Variants in NAV1 observed in about 807,000 individuals in gnomAD.
The protein encoded by NAV1 is neuron navigator 1, also known as pore membrane and/or filament interacting like protein 3.
In NAV1, 18 loss-of-function variants were observed where a neutral mutation model predicts 175.2. The ratio of observed to expected loss-of-function variants is 0.10; its 90% CI spans 0.07 to 0.15. NAV1 has a LOEUF of 0.15. Ranked by LOEUF, NAV1 falls within the 10% of genes least tolerant of loss-of-function variation. The pLI, the probability that NAV1 is intolerant of heterozygous loss-of-function variation, is 1.00. For synonymous variants in NAV1, 897 were observed against 978.7 expected, an observed-to-expected ratio of 0.92 and a Z score of 1.56; for missense variants, 1,731 against 2,436.6, an observed-to-expected ratio of 0.71 and a Z score of 6.10.
intron 2 of NAV1, among the ~76,000 whole-genome samples, chr1:201,598,824 G>A (rs1311219023): frequency 2.0e-5 from 3 of 152,216 alleles, no homozygotes; most frequent in Non-Finnish European, 4.4e-5. Flanking sequence ...AGGAACCCGA[G>A]TCTTCAGTTT....
At chr1:201,683,263 G>T (rs1418780511) in intron 1 of NAV1, among the ~76,000 whole-genome samples, 2 of 152,184 alleles carry the variant, frequency 1.3e-5, no homozygotes, top group African/African-American at 4.8e-5. Flanking sequence ...GTGTTTGGGG[G>T]ATGAAGACCA....
chr1:201,765,396 T>C (rs1252929256), intron 3 of NAV1, among the ~76,000 whole-genome samples: 7 of 144,546 alleles, frequency 4.8e-5, no homozygotes, highest in Non-Finnish European at 9.1e-5. Flanking sequence ...TTTTTTTTTT[T>C]TTTTTTTCTT....
At chr1:201,783,446 A>C (rs1676471251) in exon 7 of NAV1, 1 of 1,614,112 alleles carries the variant, frequency 6.2e-7, no homozygotes, top group Non-Finnish European at 8.5e-7. Flanking sequence ...CTCACTAGCC[A>C]ATCTTGACAA....
At chr1:201,724,910 A>G (rs1179053167) in intron 3 of NAV1, 2 of 152,650 alleles carry the variant, frequency 1.3e-5, no homozygotes, top group Non-Finnish European at 2.9e-5. Flanking sequence ...TTGGCTCTGA[A>G]GTGTCCTGAC....
chr1:201,571,627 G>A (rs1666546129), intron 1 of NAV1, among the ~76,000 whole-genome samples: 1 of 152,240 alleles, frequency 6.6e-6, no homozygotes, highest in Non-Finnish European at 1.5e-5. Context: ...AACTGCAAGG[G>A]CCCCTTCAAT....
chr1:201,671,816 C>T (rs1670054790), intron 1 of NAV1, among the ~76,000 whole-genome samples: 2 of 152,210 alleles, frequency 1.3e-5, no homozygotes, highest in Non-Finnish European at 2.9e-5. Context: ...GGTCACAATA[C>T]CGATGCTGGC....
chr1:201,747,177 C>T (rs1673824389), intron 3 of NAV1, among the ~76,000 whole-genome samples: 1 of 152,160 alleles, frequency 6.6e-6, no homozygotes, highest in Non-Finnish European at 1.5e-5. Context: ...ACTCTGTCAT[C>T]TTCACCGTCC....
chr1:201,737,723 C>T (rs965101258), intron 3 of NAV1, among the ~76,000 whole-genome samples: 2 of 152,198 alleles, frequency 1.3e-5, no homozygotes, highest in Non-Finnish European at 2.9e-5. Flanking sequence ...AGATCTCCCT[C>T]CTTCCAGGCC....
At chr1:201,710,524 G>A (rs1181282177) in intron 1 of NAV1, among the ~76,000 whole-genome samples, 1 of 152,218 alleles carries the variant, frequency 6.6e-6, no homozygotes, top group Non-Finnish European at 1.5e-5. Flanking sequence ...CTGGCCTGAA[G>A]CGATCCTCTG....
chr1:201,793,720 T>C (rs2102752875), intron 13 of NAV1, 72 bp from the exon 18 acceptor site: 2 of 1,332,956 alleles, frequency 1.5e-6, no homozygotes, highest in East Asian at 2.3e-5. Context: ...GTTAAAACTA[T>C]TTCCCATTGT....
chr1:201,615,300 T>C (rs1005863154), intron 2 of NAV1, among the ~76,000 whole-genome samples: 1 of 151,040 alleles, frequency 6.6e-6, no homozygotes, highest in African/African-American at 2.5e-5. Context: ...AGTCTCACTC[T>C]GTCACCCAGG....
chr1:201,768,641 TAA>T (rs71281169), intron 3 of NAV1, among the ~76,000 whole-genome samples: 25 of 114,122 alleles, frequency 2.2e-4, no homozygotes, highest in Admixed American at 3.8e-4. Context: ...TTGTCTCAAT[TAA>T]AAAAAAAAAA....
Position 201,731,933 on chromosome 1 carries a change from C to T in NAV1, c.1226+13178C>T, listed in dbSNP as rs566839416. 3.3e-5 allele frequency among the ~76,000 whole-genome samples: 5 copies of T among 152,282 alleles called. No individual in the cohort carries two copies. The East Asian group carries it at 9.6e-4, about 29-fold the overall frequency. ...CTGGGGGATAGCCAGCTGCCCTGTG[C>T]TCATGCTGGAGTGAACTTTCCTCTG... On this transcript the variant is annotated intron_variant, in intron 3 of 29. Coordinates refer to ENST00000367296, the Ensembl canonical transcript of NAV1.
In NAV1 at chr1:201,786,321, G is replaced by C. The variant is rs1475200579; in HGVS notation, c.2847-108G>C. 4 of 1,175,602 alleles carry C rather than the reference G, an allele frequency of 3.4e-6. No individual in the cohort carries two copies. The Admixed American group carries it at 6.5e-5, about 19-fold the overall frequency. 72.8% of individuals were successfully genotyped at this position (1,175,602 alleles called of 1,614,324 possible). A position where few individuals can be genotyped will look rare whatever the true frequency, so the allele number is the denominator to read the frequency against. On this transcript the variant is annotated intron_variant, in intron 8 of 29. Coordinates refer to ENST00000367296, the Ensembl canonical transcript of NAV1. ...GACCACTCCCTCTTTTCCATGTCCT[G>C]CTTTCAGAATCTCCTGGCTCCAGCC...
chr1:201,617,206 GTCTCTCTCTCTCTC>G lies in NAV1; in HGVS notation c.-32-5625_-32-5612del, dbSNP rs3054501. On this transcript the variant is annotated intron_variant, in intron 2 of 33. Transcript: ENST00000685211. ...TCTGATAAGATTCCCCAATCTCTCT[GTCTCTCTCTCTCTC>G]TCTCTCTCTCTCTCTCTCTCTGTCT... Among the ~76,000 whole-genome samples, 559 of 138,224 alleles carry G rather than the reference GTCTCTCTCTCTCTC, an allele frequency of 4.0e-3. 4 individuals are homozygous for G. Among genetic ancestry groups the G allele is most frequent in the African/African-American group, 0.013 (517 of 39,458 alleles). The allele number at this position is 138,224 out of a possible 152,430, so 90.7% of individuals were successfully genotyped here.
Position 201,682,911 on chromosome 1 carries a change from C to T in NAV1, c.758-29906C>T, listed in dbSNP as rs111779163. Among the ~76,000 whole-genome samples the T allele has an allele frequency of 2.4e-3, 364 of 152,238 alleles. 1 individual carries two copies. The highest frequency in any genetic ancestry group is 0.013 in the East Asian group (65 of 5,192). On this transcript the variant is annotated intron_variant, in intron 1 of 29. Coordinates refer to ENST00000367296, the Ensembl canonical transcript of NAV1. ...GCTAGTACAGAGGGTTGACATACCC[C>T]ACCCCCGTTTCCCCTGTTGGTAACA...
intron 3 of NAV1, among the ~76,000 whole-genome samples, chr1:201,751,376 A>G (rs1023675880): frequency 5.3e-5 from 8 of 152,222 alleles, no homozygotes; most frequent in African/African-American, 1.9e-4. Context: ...TGACTTTGTC[A>G]CTGATTTGTT....
Position 201,810,511 on chromosome 1 carries a change from G to T in NAV1, c.4562-12G>T, listed in dbSNP as rs747947143. The T allele has an allele frequency of 6.6e-5, 105 of 1,599,952 alleles. No homozygotes were observed. The highest frequency in any genetic ancestry group is 8.5e-5 in the Non-Finnish European group (100 of 1,173,244). On this transcript the variant is annotated splice_polypyrimidine_tract_variant and intron_variant, in intron 23 of 29. Transcript: ENST00000367296. This position sits in a 1 kb window ranked among gnomAD's most constrained non-coding sequence, Gnocchi z 6.0. The stretch of plus-strand genomic sequence containing the variant: ...CTGGTCAATACTCATGCTTTCTGGG[G>T]TGGGGGTTCAGGTCTGAAGGAGAAA...
chr1:201,818,839 C>T (rs1235826854), intron 29 of NAV1, among the ~76,000 whole-genome samples: 1 of 152,150 alleles, frequency 6.6e-6, no homozygotes, highest in African/African-American at 2.4e-5. Flanking sequence ...AATCATAATA[C>T]ATTTTTATTA....
Sources: gnomAD v4.1 joint callset for allele counts (sites outside exome capture counted in the v4.1 genomes callset) on GRCh38, gnomAD v4.1.1 for gene constraint, Gnocchi (gnomAD v3.1) non-coding constraint, MANE v1.5 for transcripts, NCBI Gene and HGNC (gene_info 2026-07-23, HGNC 2026-07-21) for gene names.